Variants in ATOSA observed in about 807,000 individuals in gnomAD.
ATOSA encodes atos homolog A.
the ATOSA span, among the ~76,000 whole-genome samples, chr15:52,633,535 G>C: frequency 1.3e-5 from 2 of 152,044 alleles, no homozygotes; most frequent in Non-Finnish European, 2.9e-5. Context: ...GAAAGAGAAG[G>C]GGAGGTTCTA....
chr15:52,597,209 T>TCC, the ATOSA span, among the ~76,000 whole-genome samples: 49 of 2,826 alleles, frequency 0.017, 22 homozygotes, highest in Non-Finnish European at 0.045. Flanking sequence ...TATTCTATTC[T>TCC]ATTCTATTCT....
the ATOSA span, among the ~76,000 whole-genome samples, chr15:52,584,575 A>T: frequency 6.6e-6 from 1 of 152,146 alleles, no homozygotes; most frequent in Non-Finnish European, 1.5e-5. Context: ...AATGACCACC[A>T]CAGGAAGGTA....
At chr15:52,689,221 A>T in the ATOSA span, among the ~76,000 whole-genome samples, 1 of 152,214 alleles carries the variant, frequency 6.6e-6, no homozygotes, top group African/African-American at 2.4e-5. Flanking sequence ...TGTTTGATTT[A>T]TAGGCAGCCA....
the ATOSA span, among the ~76,000 whole-genome samples, chr15:52,597,931 C>A: frequency 1.3e-5 from 2 of 152,068 alleles, no homozygotes; most frequent in Non-Finnish European, 2.9e-5. Context: ...TTGAGACCAG[C>A]CTGACCAGCA....
chr15:52,611,209 G>A, the ATOSA span: 4 of 1,613,524 alleles, frequency 2.5e-6, no homozygotes, highest in East Asian at 2.2e-5. Flanking sequence ...ACAAATGAGC[G>A]GACAGCCAAC....
At chr15:52,629,936 A>G in the ATOSA span, among the ~76,000 whole-genome samples, 1 of 152,232 alleles carries the variant, frequency 6.6e-6, no homozygotes, top group Non-Finnish European at 1.5e-5. Context: ...ATACAGCAGG[A>G]AAATAAGACA....
the ATOSA span, chr15:52,582,060 C>G: frequency 9.7e-7 from 1 of 1,029,326 alleles, no homozygotes; most frequent in Non-Finnish European, 1.3e-6. Flanking sequence ...AGAGAATCCA[C>G]TCTCCTGATT....
At chr15:52,614,881 TA>T in the ATOSA span, among the ~76,000 whole-genome samples, 1 of 152,152 alleles carries the variant, frequency 6.6e-6, no homozygotes, top group South Asian at 2.1e-4. Flanking sequence ...GGATGTCAGG[TA>T]CAATAGTTTT....
At chr15:52,633,539 G>C in the ATOSA span, among the ~76,000 whole-genome samples, 8 of 152,014 alleles carry the variant, frequency 5.3e-5, no homozygotes, top group African/African-American at 1.9e-4. Context: ...GAGAAGGGGA[G>C]GTTCTAAACA....
the ATOSA span, among the ~76,000 whole-genome samples, chr15:52,701,441 G>GTA: frequency 1.7e-4 from 26 of 151,964 alleles, no homozygotes; most frequent in Non-Finnish European, 2.9e-4. Flanking sequence ...CCTGTCTCCA[G>GTA]TATATATATA....
the ATOSA span, among the ~76,000 whole-genome samples, chr15:52,608,061 A>T: frequency 5.3e-5 from 8 of 150,660 alleles, no homozygotes; most frequent in Non-Finnish European, 8.9e-5. Flanking sequence ...TTATTTATTT[A>T]TTTTTTTTTG....
chr15:52,584,916 A>G, the ATOSA span: 1 of 1,612,254 alleles, frequency 6.2e-7, no homozygotes, highest in Non-Finnish European at 8.5e-7. Context: ...AAACATCTTC[A>G]CCACAGTCTT....
At chr15:52,670,522 T>G in the ATOSA span, among the ~76,000 whole-genome samples, 5 of 152,244 alleles carry the variant, frequency 3.3e-5, no homozygotes, top group Non-Finnish European at 7.3e-5. Context: ...TGCATTATAG[T>G]ACGCTGCTAA....
the ATOSA span, among the ~76,000 whole-genome samples, chr15:52,592,205 G>A: frequency 2.6e-5 from 4 of 152,152 alleles, no homozygotes; most frequent in Non-Finnish European, 5.9e-5. Flanking sequence ...AGAAGGTTGT[G>A]GAGAGGGGTG....
At chr15:52,588,611 G>T in the ATOSA span, among the ~76,000 whole-genome samples, 1 of 152,028 alleles carries the variant, frequency 6.6e-6, no homozygotes, top group Admixed American at 6.5e-5. Flanking sequence ...GCTAATTTTT[G>T]TATTTTTAGT....
chr15:52,675,147 C>T, the ATOSA span, among the ~76,000 whole-genome samples: 1 of 152,128 alleles, frequency 6.6e-6, no homozygotes, highest in Admixed American at 6.5e-5. Context: ...TATATTATTG[C>T]TTAAAATTAA....
the ATOSA span, among the ~76,000 whole-genome samples, chr15:52,679,784 TCCTCCTCCTCCC>T: frequency 2.3e-5 from 1 of 44,086 alleles, no homozygotes; most frequent in Admixed American, 2.2e-4. Flanking sequence ...CTCCTCCTCC[TCCTCCTCCTCCC>T]CCCTCCCCCT....
chr15:52,666,561 G>A, the ATOSA span, among the ~76,000 whole-genome samples: 1 of 152,152 alleles, frequency 6.6e-6, no homozygotes. Flanking sequence ...TGACACTGGA[G>A]AATTAGATCT....
chr15:52,673,831 T>A, the ATOSA span, among the ~76,000 whole-genome samples: 1 of 152,240 alleles, frequency 6.6e-6, no homozygotes, highest in Non-Finnish European at 1.5e-5. Context: ...TGTTTGAGGT[T>A]AACAGGGTTG....
Sources: allele counts gnomAD v4.1 joint callset (sites outside exome capture counted in the v4.1 genomes callset), GRCh38; gene constraint gnomAD v4.1.1; transcripts MANE v1.5; gene names NCBI Gene and HGNC (gene_info 2026-07-23, HGNC 2026-07-21).